ACSL1: variants seen among roughly 807,000 people sequenced by gnomAD.
The protein encoded by ACSL1 is long-chain-fatty-acid--CoA ligase 1.
In ACSL1, 41 loss-of-function variants were observed where a neutral mutation model predicts 98.4. The observed-to-expected ratio is 0.42, with a 90% CI of 0.32 to 0.54. The LOEUF (loss-of-function observed/expected upper bound fraction) is 0.54. Among genes scored for constraint, ACSL1 ranks in the 20% least tolerant of loss-of-function variants. The probability of loss-of-function intolerance (pLI) is 0.13; values close to 1 mark genes in which losing one functional copy is unlikely to be tolerated. For synonymous variants in ACSL1, 316 were observed against 322.7 expected (o/e 0.98, Z 0.22); for missense variants, 734 against 883.1 (o/e 0.83, Z 2.14).
At chr4:184,767,068 G>C (rs1008759763) in intron 12 of ACSL1, among the ~76,000 whole-genome samples, 1 of 152,120 alleles carries the variant, frequency 6.6e-6, no homozygotes, top group Non-Finnish European at 1.5e-5. Context: ...GATCTCCTGA[G>C]CTCAGGAGTT....
intron 2 of ACSL1, among the ~76,000 whole-genome samples, chr4:184,792,482 C>G (rs1205145063): frequency 6.6e-6 from 1 of 152,124 alleles, no homozygotes; most frequent in Non-Finnish European, 1.5e-5. Context: ...GTCGCCCAGG[C>G]TAGAGTTCAG....
rs774390648 is a variant in ACSL1, at chr4:184,765,960, C to A, written c.1290G>T (p.Leu430=). 10 of 1,613,958 alleles carry A rather than the reference C, an allele frequency of 6.2e-6. No individual in the cohort carries two copies. Among genetic ancestry groups the A allele is most frequent in the Non-Finnish European group, 8.5e-6 (10 of 1,179,924 alleles). Residue 430 remains leucine (L), a synonymous_variant, in exon 14 of 21, where the codon CTG becomes CTT. Transcript: ENST00000281455. ...VQSSLGGRVR[L]MVTGAAPVSA... is the part of the protein sequence containing the mutation. ...ACACCGGGGCGGCTCCTGTCACCATCAGCCGGACTCTTCCGCCCAGGCTCG... is the reference window on the plus strand; with the variant it reads ...ACACCGGGGCGGCTCCTGTCACCATAAGCCGGACTCTTCCGCCCAGGCTCG...
At chr4:184,767,022 T>A (rs1763715228) in intron 12 of ACSL1, among the ~76,000 whole-genome samples, 1 of 152,144 alleles carries the variant, frequency 6.6e-6, no homozygotes, top group African/African-American at 2.4e-5. Context: ...TGGCCCACGC[T>A]TGTATTCCCA....
At chr4:184,782,149 G>GTGCATTTAA (rs1766383298) in intron 4 of ACSL1, among the ~76,000 whole-genome samples, 1 of 151,972 alleles carries the variant, frequency 6.6e-6, no homozygotes, top group East Asian at 1.9e-4. Context: ...CAAAAGTCTT[G>GTGCATTTAA]GTTGCATTTA....
intron 3 of ACSL1, among the ~76,000 whole-genome samples, chr4:184,786,422 A>ACG (rs1767325517): frequency 1.5e-5 from 1 of 68,134 alleles, no homozygotes; most frequent in Non-Finnish European, 2.8e-5. Flanking sequence ...GGCAAAGCAC[A>ACG]CACACACACA....
intron 2 of ACSL1, among the ~76,000 whole-genome samples, chr4:184,802,072 T>C (rs1340252639): frequency 2.0e-5 from 3 of 152,238 alleles, no homozygotes; most frequent in Non-Finnish European, 4.4e-5. Flanking sequence ...ATTCCACTCA[T>C]TCCCCAGCCT....
intron 18 of ACSL1, among the ~76,000 whole-genome samples, chr4:184,759,574 C>T (rs975056239): frequency 3.9e-5 from 6 of 152,110 alleles, no homozygotes; most frequent in Non-Finnish European, 7.4e-5. Context: ...CCAAAAGACA[C>T]ATGAAAAAAT....
In ACSL1 at chr4:184,803,351, C is replaced by T. The variant is rs1443418263; in HGVS notation, c.164G>A (p.Cys55Tyr). The T allele has an allele frequency of 2.5e-6, 4 of 1,609,096 alleles. No individual in the cohort carries two copies. The highest frequency in any genetic ancestry group is 1.7e-6 in the Non-Finnish European group (2 of 1,177,584). Residue 55 changes from cysteine (C) to tyrosine (Y), a missense_variant, in exon 2 of 21, where the codon TGC becomes TAC. Cys to Tyr is a radical substitution (Grantham distance 194, BLOSUM62 -2). Transcript: ENST00000281455. This position sits in a 1 kb window ranked among gnomAD's most constrained non-coding sequence, Gnocchi z 4.8. The part of the protein sequence containing the change: ...ATRPKPLKPP[C>Y]DLSMQSVEVA... Reference sequence around the variant, plus strand: ...TTCCACTGACTGCATGGAGAGGTCGCATGGCGGCTTCAGGGGTTTGGGTCT... The same window carrying T: ...TTCCACTGACTGCATGGAGAGGTCGTATGGCGGCTTCAGGGGTTTGGGTCT...
chr4:184,800,087 T>A (rs1349252900), intron 2 of ACSL1, among the ~76,000 whole-genome samples: 1 of 152,162 alleles, frequency 6.6e-6, no homozygotes, highest in Non-Finnish European at 1.5e-5. Flanking sequence ...TTCTTGTGTA[T>A]AAAATATGAA....
At chr4:184,787,553 GGCTTT>G (rs750548932) in intron 3 of ACSL1, among the ~76,000 whole-genome samples, 14 of 152,110 alleles carry the variant, frequency 9.2e-5, no homozygotes, top group Non-Finnish European at 4.4e-5. Flanking sequence ...GGTAGAAAGA[GGCTTT>G]ATGATCAAGA....
At chr4:184,811,687 C>T (rs1772132888) in intron 1 of ACSL1, among the ~76,000 whole-genome samples, 2 of 151,934 alleles carry the variant, frequency 1.3e-5, no homozygotes, top group Non-Finnish European at 2.9e-5. Context: ...TGAACGGGCA[C>T]AGAGTTTCAA....
chr4:184,811,408 A>G (rs4862425), intron 1 of ACSL1, among the ~76,000 whole-genome samples: 87,737 of 151,636 alleles, frequency 0.58, 26,018 homozygotes, highest in East Asian at 0.91. Context: ...CACCGCGCCC[A>G]GCTGCACAAT....
intron 14 of ACSL1, among the ~76,000 whole-genome samples, chr4:184,765,587 C>T (rs2150287725): frequency 6.6e-6 from 1 of 152,190 alleles, no homozygotes; most frequent in African/African-American, 2.4e-5. Context: ...CACGTGGTGA[C>T]TAGAGCTAAC....
At chr4:184,805,759 A>G (rs374462787) in intron 1 of ACSL1, 2 of 152,816 alleles carry the variant, frequency 1.3e-5, no homozygotes, top group South Asian at 2.1e-4. Context: ...AGGGTGGAGG[A>G]TAGGCCAATG....
At chr4:184,771,757 C>A (rs1463044107) in intron 10 of ACSL1, among the ~76,000 whole-genome samples, 1 of 152,164 alleles carries the variant, frequency 6.6e-6, no homozygotes, top group Non-Finnish European at 1.5e-5. Context: ...CTGAGCCATG[C>A]CCCTTCCTTT....
chr4:184,772,523 G>A (rs139576069), intron 10 of ACSL1, among the ~76,000 whole-genome samples: 73 of 152,272 alleles, frequency 4.8e-4, no homozygotes, highest in South Asian at 1.9e-3. Context: ...TTCTAAATTC[G>A]TATGTCAACA....
In ACSL1 at chr4:184,764,137, C is replaced by G. The variant is rs1188288914; in HGVS notation, c.1432+716G>C. 3.9e-5 allele frequency among the ~76,000 whole-genome samples: 6 copies of G among 152,194 alleles called. 1 individual carries two copies. Among genetic ancestry groups the G allele is most frequent in the Non-Finnish European group, 7.4e-5 (5 of 68,026 alleles). On this transcript the variant is annotated intron_variant, in intron 15 of 20. Coordinates refer to ENST00000281455, the MANE Select transcript of ACSL1 (RefSeq NM_001995.5). ...TGTAGAATTTACTACTCAGGTGACA[C>G]AGAGGAAGCACAGAAGCTCTGCAGT...
chr4:184,800,607 A>T (rs1770324690), intron 2 of ACSL1, among the ~76,000 whole-genome samples: 1 of 152,268 alleles, frequency 6.6e-6, no homozygotes, highest in Non-Finnish European at 1.5e-5. Context: ...ACAGAGCAGC[A>T]GCAGCAAAAT....
intron 1 of ACSL1, among the ~76,000 whole-genome samples, chr4:184,818,474 T>A (rs1772806761): frequency 6.6e-6 from 1 of 152,206 alleles, no homozygotes; most frequent in Non-Finnish European, 1.5e-5. Context: ...TGCCTTGATC[T>A]TGGCTATAAG....
Sources: allele counts gnomAD v4.1 joint callset (sites outside exome capture counted in the v4.1 genomes callset), GRCh38; gene constraint gnomAD v4.1.1; non-coding constraint Gnocchi (gnomAD v3.1); transcripts MANE v1.5; gene names NCBI Gene and HGNC (gene_info 2026-07-23, HGNC 2026-07-21).